The following ATP8A2 variants were observed in gnomAD, a reference collection of about 807,000 sequenced individuals.
The protein encoded by ATP8A2 is phospholipid-transporting ATPase IB.
A neutral mutation model predicts 165.6 loss-of-function variants in ATP8A2; 100 were observed. The ratio of observed to expected loss-of-function variants is 0.60; its 90% confidence interval spans 0.51 to 0.71. The LOEUF (loss-of-function observed/expected upper bound fraction) is 0.71, where lower values mean the gene tolerates loss of function less well. ATP8A2 is among the 30% of genes least tolerant of loss of function. The pLI is 0.00. For missense variants in ATP8A2, 1,227 were observed against 1,479.5 expected (o/e 0.83, Z 2.80); for synonymous variants, 543 against 548.8 (o/e 0.99, Z 0.15).
intron 24 of ATP8A2, among the ~76,000 whole-genome samples, chr13:25,609,564 T>TACAAA (rs1565976968): frequency 1.4e-5 from 2 of 147,240 alleles, no homozygotes; most frequent in African/African-American, 2.5e-5. Context: ...TATATTTGGA[T>TACAAA]TCAAATATAT....
At chr13:25,422,832 T>C (rs1228029557) in intron 1 of ATP8A2, among the ~76,000 whole-genome samples, 1 of 152,254 alleles carries the variant, frequency 6.6e-6, no homozygotes, top group Non-Finnish European at 1.5e-5. Context: ...GAGTGCTACC[T>C]GTCTGAGGTT....
At chr13:25,379,626 T>C (rs1004454760) in intron 1 of ATP8A2, among the ~76,000 whole-genome samples, 1 of 152,204 alleles carries the variant, frequency 6.6e-6, no homozygotes, top group African/African-American at 2.4e-5. Context: ...TGAGGAAACA[T>C]AACATTGGTT....
At chr13:25,787,610 G>A (rs1243864312) in intron 27 of ATP8A2, among the ~76,000 whole-genome samples, 2 of 152,194 alleles carry the variant, frequency 1.3e-5, no homozygotes. Flanking sequence ...ATTCAGCGTT[G>A]CTGCATGGAC....
intron 34 of ATP8A2, among the ~76,000 whole-genome samples, chr13:25,968,279 T>G (rs1955827754): frequency 6.6e-6 from 1 of 152,190 alleles, no homozygotes; most frequent in Non-Finnish European, 1.5e-5. Flanking sequence ...TGGGTCTTCG[T>G]GAACCCCACC....
Position 25,830,702 on chromosome 13 carries a change from C to T in ATP8A2, c.2754+2510C>T, listed in dbSNP as rs141762159. Among the ~76,000 whole-genome samples, 206 of 152,264 alleles carry T rather than the reference C, an allele frequency of 1.4e-3. 1 individual carries two copies. Among genetic ancestry groups the T allele is most frequent in the African/African-American group, 4.8e-3 (199 of 41,532 alleles). ...CTATTTACCCTTCACCCAGATTGAA[C>T]AGTAATTAGCATTTCCACCAATTGC... On this transcript the variant is annotated intron_variant, in intron 28 of 36. Transcript: ENST00000381655.
intron 25 of ATP8A2, among the ~76,000 whole-genome samples, chr13:25,766,494 C>T (rs932286682): frequency 2.0e-5 from 3 of 152,170 alleles, no homozygotes; most frequent in East Asian, 1.9e-4. Flanking sequence ...CACGACTTCT[C>T]GAACTTTAGG....
intron 2 of ATP8A2, among the ~76,000 whole-genome samples, chr13:25,512,487 G>A (rs890703356): frequency 3.3e-5 from 5 of 151,870 alleles, no homozygotes; most frequent in East Asian, 3.9e-4. Context: ...TCTCCCGGAC[G>A]GGGCGGCTGG....
intron 27 of ATP8A2, among the ~76,000 whole-genome samples, chr13:25,807,552 T>G (rs1489593678): frequency 6.6e-6 from 1 of 152,228 alleles, no homozygotes. Context: ...TACATCTATC[T>G]GCAAAATTAT....
At chr13:25,695,480 G>A (rs760773923) in intron 24 of ATP8A2, among the ~76,000 whole-genome samples, 8 of 152,160 alleles carry the variant, frequency 5.3e-5, no homozygotes, top group African/African-American at 7.2e-5. Context: ...ATGTGATGCC[G>A]TTTGATAGCA....
intron 24 of ATP8A2, among the ~76,000 whole-genome samples, chr13:25,651,966 T>A (rs2041823455): frequency 6.6e-6 from 1 of 152,184 alleles, no homozygotes; most frequent in Admixed American, 6.5e-5. Context: ...TTTTTTAACA[T>A]TAGTTTTATT....
At chr13:25,735,190 G>A (rs776855023) in intron 25 of ATP8A2, among the ~76,000 whole-genome samples, 9 of 152,208 alleles carry the variant, frequency 5.9e-5, no homozygotes, top group Non-Finnish European at 1.3e-4. Flanking sequence ...AGGAAGAAAT[G>A]ATTTTAGATG....
intron 25 of ATP8A2, among the ~76,000 whole-genome samples, chr13:25,744,078 A>G (rs2138161371): frequency 6.6e-6 from 1 of 152,336 alleles, no homozygotes; most frequent in East Asian, 1.9e-4. Context: ...AGTAATTTTT[A>G]CAAACTAACA....
chr13:25,837,008 T>C (rs1194292521), intron 28 of ATP8A2, among the ~76,000 whole-genome samples, 155 bp from the exon 29 acceptor site: 6 of 152,220 alleles, frequency 3.9e-5, no homozygotes, highest in Non-Finnish European at 7.3e-5. Context: ...GTCTTTCATT[T>C]ATTTCCTTTG....
chr13:25,619,453 A>C (rs1386041407), intron 24 of ATP8A2, among the ~76,000 whole-genome samples: 1 of 152,210 alleles, frequency 6.6e-6, no homozygotes, highest in African/African-American at 2.4e-5. Flanking sequence ...TTAGCACGAA[A>C]AGACACTATA....
chr13:25,515,590 A>G (rs908231115), intron 2 of ATP8A2, among the ~76,000 whole-genome samples: 2 of 152,170 alleles, frequency 1.3e-5, no homozygotes, highest in Non-Finnish European at 2.9e-5. Context: ...AGACAACCCC[A>G]CATCTTAGCT....
At chr13:25,838,441 A>G (rs1437320292) in intron 29 of ATP8A2, among the ~76,000 whole-genome samples, 2 of 152,144 alleles carry the variant, frequency 1.3e-5, no homozygotes, top group Non-Finnish European at 2.9e-5. Flanking sequence ...AATATGACCC[A>G]TTTTCACTGC....
In ATP8A2 at chr13:25,372,329, G is replaced by T; in HGVS notation, c.76+41G>T. Reference sequence around the variant, plus strand: ...CGCGGCGAGGGAGGGTGGGCCCGGGGCGGGGGCGGCGCGGGGCGCGCCTGC... The same window carrying T: ...CGCGGCGAGGGAGGGTGGGCCCGGGTCGGGGGCGGCGCGGGGCGCGCCTGC... On this transcript the variant is annotated intron_variant, in intron 1 of 36. Transcript: ENST00000381655. The surrounding 1 kb of genome is among the most constrained non-coding windows in gnomAD (Gnocchi z 4.8). 7.2e-7 allele frequency: 1 copy of T among 1,385,798 alleles called. No individual in the cohort carries two copies. Among genetic ancestry groups the T allele is most frequent in the Non-Finnish European group, 9.5e-7 (1 of 1,049,768 alleles). 85.8% of individuals were successfully genotyped at this position (1,385,798 alleles called of 1,614,324 possible). A position where few individuals can be genotyped will look rare whatever the true frequency, so the allele number is the denominator to read the frequency against.
At chr13:25,735,057 G>C (rs2043737416) in intron 25 of ATP8A2, among the ~76,000 whole-genome samples, 1 of 152,170 alleles carries the variant, frequency 6.6e-6, no homozygotes, top group Admixed American at 6.5e-5. Context: ...TTGGTCTGTA[G>C]CACAGTACCT....
intron 24 of ATP8A2, among the ~76,000 whole-genome samples, chr13:25,614,553 T>A (rs977209741): frequency 2.6e-5 from 4 of 152,144 alleles, no homozygotes; most frequent in Non-Finnish European, 5.9e-5. Context: ...GCTAGTGTGA[T>A]CTTTTGGAGG....
Sources: allele counts gnomAD v4.1 joint callset (sites outside exome capture counted in the v4.1 genomes callset), GRCh38; gene constraint gnomAD v4.1.1; non-coding constraint Gnocchi (gnomAD v3.1); transcripts MANE v1.5; gene names NCBI Gene and HGNC (gene_info 2026-07-23, HGNC 2026-07-21).